TNKS: variants seen among roughly 807,000 people sequenced by gnomAD.
TNKS encodes the protein poly [ADP-ribose] polymerase tankyrase-1.
In TNKS, 72 loss-of-function variants were observed where a neutral mutation model predicts 135.8. That is an observed-to-expected ratio of 0.53 (90% confidence interval 0.44 to 0.64). The LOEUF is 0.64. Among genes scored for constraint, TNKS ranks in the 30% least tolerant of loss-of-function variants. The pLI is 0.00. For missense variants in TNKS, 1,769 were observed against 1,674.0 expected (o/e 1.06, Z -0.99); for synonymous variants, 849 against 649.3 (o/e 1.31, Z -4.68).
At chr8:9,600,221 G>A (rs1182809018) in intron 2 of TNKS, among the ~76,000 whole-genome samples, 3 of 152,188 alleles carry the variant, frequency 2.0e-5, no homozygotes, top group Non-Finnish European at 4.4e-5. Context: ...AGCCTCTGAA[G>A]TACAGCTGTG....
In TNKS at chr8:9,556,548, C is replaced by T. The variant is rs1815317425; in HGVS notation, c.609C>T (p.Asp203=). The T allele has an allele frequency of 1.2e-6, 2 of 1,614,012 alleles. No individual in the cohort carries two copies. The highest frequency in any genetic ancestry group is 1.7e-5 in the Admixed American group (1 of 60,006). The stretch of plus-strand genomic sequence containing the variant: ...TGTCCCGGGTAAAGAGGCTGGTGGA[C>T]GCGGCAAACGTAAATGCAAAGGACA... ...GDVSRVKRLV[D]AANVNAKDMA... The change falls in exon 1 of 27, where the codon GAC becomes GAT. Residue 203 remains aspartate (D), a synonymous_variant. Coordinates refer to ENST00000310430, the MANE Select transcript of TNKS (RefSeq NM_003747.3).
chr8:9,574,336 C>T (rs1259717662), intron 1 of TNKS, among the ~76,000 whole-genome samples: 1 of 152,154 alleles, frequency 6.6e-6, no homozygotes, highest in Non-Finnish European at 1.5e-5. Context: ...AATAGAGTTG[C>T]TTAAGCTAGA....
intron 8 of TNKS, among the ~76,000 whole-genome samples, chr8:9,707,951 C>A (rs1277576405): frequency 6.6e-6 from 1 of 152,142 alleles, no homozygotes; most frequent in Non-Finnish European, 1.5e-5. Flanking sequence ...ATGCATCAGC[C>A]TGTCCTTTCT....
intron 3 of TNKS, among the ~76,000 whole-genome samples, chr8:9,667,978 C>A (rs1316880499): frequency 6.6e-6 from 1 of 151,716 alleles, no homozygotes; most frequent in Admixed American, 6.6e-5. Context: ...TAACAGAAAT[C>A]TTGAATTGTT....
At chr8:9,746,102 G>C (rs142113875) in intron 17 of TNKS, among the ~76,000 whole-genome samples, 2 of 152,132 alleles carry the variant, frequency 1.3e-5, no homozygotes, top group African/African-American at 4.8e-5. Context: ...ATTTTCAATA[G>C]ATGATGTGCT....
At chr8:9,673,164 G>A (rs13261385) in intron 3 of TNKS, among the ~76,000 whole-genome samples, 1 of 152,040 alleles carries the variant, frequency 6.6e-6, no homozygotes, top group African/African-American at 2.4e-5. Context: ...ACCCTGCTAA[G>A]TGTCAGGAAA....
At chr8:9,577,263 C>T (rs1006217614) in intron 1 of TNKS, among the ~76,000 whole-genome samples, 17 of 151,728 alleles carry the variant, frequency 1.1e-4, no homozygotes, top group African/African-American at 4.1e-4. Context: ...TACTTTGAGG[C>T]ATTTATCTTA....
At position 9,734,951 on chromosome 8, in the gene TNKS, A is replaced by G; in HGVS notation, c.2400A>G (p.Leu800=). 3 of 1,614,174 alleles carry G rather than the reference A, an allele frequency of 1.9e-6. No homozygotes were observed. Among genetic ancestry groups the G allele is most frequent in the South Asian group, 1.1e-5 (1 of 91,080 alleles). Residue 800 remains leucine (L), a synonymous_variant, in exon 16 of 27, where the codon TTA becomes TTG. Coordinates refer to ENST00000310430, the MANE Select transcript of TNKS (RefSeq NM_003747.3). ...AAGGAGACACAGATATTCAGGACTTACTGAGAGGGGATGCTGCTTTGTTGG... is the reference window on the plus strand; with the variant it reads ...AAGGAGACACAGATATTCAGGACTTGCTGAGAGGGGATGCTGCTTTGTTGG... ...VKEGDTDIQD[L]LRGDAALLDA... is the part of the protein sequence containing the mutation.
At chr8:9,649,825 A>G (rs1333593271) in intron 3 of TNKS, among the ~76,000 whole-genome samples, 2 of 149,112 alleles carry the variant, frequency 1.3e-5, no homozygotes, top group Middle Eastern at 3.5e-3. Context: ...ATGGCTGAGT[A>G]CTAGTATTCC....
At chr8:9,666,665 G>C (rs1802005090) in intron 3 of TNKS, among the ~76,000 whole-genome samples, 1 of 151,702 alleles carries the variant, frequency 6.6e-6, no homozygotes, top group African/African-American at 2.4e-5. Flanking sequence ...AGTTTGCAGT[G>C]AGCCAAGATG....
At chr8:9,641,403 T>C (rs1396756999) in intron 3 of TNKS, among the ~76,000 whole-genome samples, 1 of 144,818 alleles carries the variant, frequency 6.9e-6, no homozygotes, top group Admixed American at 7.4e-5. Context: ...CAAGTGATAA[T>C]AAAAATGAGT....
chr8:9,759,806 C>G (rs1458862662), intron 20 of TNKS, among the ~76,000 whole-genome samples: 1 of 152,014 alleles, frequency 6.6e-6, no homozygotes, highest in East Asian at 1.9e-4. Flanking sequence ...AACCCCATCT[C>G]TACTAAAAAT....
intron 3 of TNKS, among the ~76,000 whole-genome samples, chr8:9,625,135 CT>C (rs1800009420): frequency 6.6e-6 from 1 of 151,944 alleles, no homozygotes; most frequent in Admixed American, 6.6e-5. Flanking sequence ...TTTATTTCTT[CT>C]TGTGTGAGTC....
chr8:9,725,147 T>C (rs1035806712), intron 12 of TNKS, among the ~76,000 whole-genome samples: 9 of 152,202 alleles, frequency 5.9e-5, no homozygotes, highest in Middle Eastern at 3.4e-3. Flanking sequence ...TAATGGAGAC[T>C]AATGAGACAA....
intron 17 of TNKS, among the ~76,000 whole-genome samples, chr8:9,745,508 G>A (rs1374494382): frequency 6.6e-6 from 1 of 152,070 alleles, no homozygotes; most frequent in Non-Finnish European, 1.5e-5. Flanking sequence ...AGATTCAAGC[G>A]ATTCTCCTGC....
chr8:9,663,976 G>A (rs1445516904), intron 3 of TNKS, among the ~76,000 whole-genome samples: 1 of 152,108 alleles, frequency 6.6e-6, no homozygotes, highest in Non-Finnish European at 1.5e-5. Flanking sequence ...TCAGGCATGG[G>A]GCTGAAAGTT....
intron 5 of TNKS, among the ~76,000 whole-genome samples, chr8:9,698,794 C>T (rs180900894): frequency 9.9e-5 from 15 of 152,258 alleles, no homozygotes; most frequent in Admixed American, 2.0e-4. Context: ...TATACTGCAC[C>T]GCAAATCTAT....
At chr8:9,556,636 T>C in intron 1 of TNKS, 24 bp downstream of exon 1, 1 of 1,612,092 alleles carries the variant, frequency 6.2e-7, no homozygotes, top group African/African-American at 1.3e-5. Flanking sequence ...GAATTGTTTA[T>C]TAAGGGTTAT....
At chr8:9,655,740 T>C (rs549727388) in intron 3 of TNKS, among the ~76,000 whole-genome samples, 1 of 152,158 alleles carries the variant, frequency 6.6e-6, no homozygotes, top group African/African-American at 2.4e-5. Context: ...AAAACCCATC[T>C]GTACGTCACC....
Sources: gnomAD v4.1 joint callset for allele counts (sites outside exome capture counted in the v4.1 genomes callset) on GRCh38, gnomAD v4.1.1 for gene constraint, MANE v1.5 for transcripts, NCBI Gene and HGNC (gene_info 2026-07-23, HGNC 2026-07-21) for gene names.